The following SHCBP1 variants were observed in gnomAD, a reference collection of about 807,000 sequenced individuals.
The protein encoded by SHCBP1 is SHC SH2 domain-binding protein 1.
In SHCBP1, 60 loss-of-function variants were observed where a neutral mutation model predicts 75.1. The ratio of observed to expected loss-of-function variants is 0.80; its 90% CI spans 0.65 to 0.99. SHCBP1 has a LOEUF of 0.99. Among genes scored for constraint, SHCBP1 ranks in the 50% least tolerant of loss-of-function variants. The probability of loss-of-function intolerance (pLI) is 0.00; values close to 1 mark genes in which losing one functional copy is unlikely to be tolerated. For missense variants in SHCBP1, 709 were observed against 809.4 expected, an observed-to-expected ratio of 0.88 and a Z score of 1.50; for synonymous variants, 290 against 293.2, an observed-to-expected ratio of 0.99 and a Z score of 0.11.
intron 10 of SHCBP1, among the ~76,000 whole-genome samples, chr16:46,590,839 A>C (rs1325091130): frequency 4.6e-5 from 7 of 152,236 alleles, no homozygotes; most frequent in African/African-American, 1.7e-4. Flanking sequence ...AGGATTATGA[A>C]TCATGCTGCT....
At chr16:46,617,887 T>G (rs986010982) in intron 2 of SHCBP1, 138 bp from the exon 3 acceptor site, 1 of 752,984 alleles carries the variant, frequency 1.3e-6, no homozygotes, top group East Asian at 2.7e-5. Context: ...AGATAAAAGA[T>G]GCAAAAAACC....
intron 4 of SHCBP1, among the ~76,000 whole-genome samples, chr16:46,613,313 A>C (rs916614766): frequency 7.2e-5 from 11 of 152,244 alleles, no homozygotes; most frequent in Non-Finnish European, 1.3e-4. Flanking sequence ...AGGCAACAGA[A>C]TAATACCGTG....
At chr16:46,585,070 AT>A (rs1964935895) in intron 10 of SHCBP1, among the ~76,000 whole-genome samples, 1 of 152,208 alleles carries the variant, frequency 6.6e-6, no homozygotes, top group African/African-American at 2.4e-5. Context: ...GTTTGGGGTT[AT>A]GTGCAAAAAA....
Position 46,581,868 on chromosome 16 carries a change from T to C in SHCBP1, c.1880A>G (p.Gln627Arg), listed in dbSNP as rs1964876553. The change falls in exon 13 of 13, where the codon CAG (glutamine) becomes CGG (arginine). Residue 627 changes from glutamine (Q) to arginine (R), a missense_variant. Physicochemically the swap from Gln to Arg is conservative, Grantham distance 43. Coordinates refer to ENST00000303383, the MANE Select transcript of SHCBP1 (RefSeq NM_024745.5). ...ELIAASTQKG[Q>R]IKKKRLSELG... ...TTCACTCAACCTTTTCTTCTTTATC[T>C]GGCCTTTCTGTGTGGAGGCAGCAAT... 7 of 1,614,098 alleles carry C rather than the reference T, an allele frequency of 4.3e-6. No homozygotes were observed. The South Asian group carries it at 4.4e-5, about 10-fold the overall frequency.
At chr16:46,588,863 C>T (rs1359591772) in intron 10 of SHCBP1, among the ~76,000 whole-genome samples, 14 of 151,990 alleles carry the variant, frequency 9.2e-5, no homozygotes, top group Non-Finnish European at 1.8e-4. Context: ...GGCAGAGACA[C>T]AACAAAAAAA....
Position 46,581,947 on chromosome 16 carries a change from T to G in SHCBP1, c.1801A>C (p.Arg601=). ...CATGKMELCA[R]TDPSEQVEGN... ...TCGACTTGCTCAGAAGGGTCAGTTC[T>G]TGCACAAAGCTCCATTTTACCAGTT... The change falls in exon 13 of 13, where the codon AGA becomes CGA. Residue 601 remains arginine, a synonymous_variant. Transcript: ENST00000303383. 6.2e-7 allele frequency: 1 copy of G among 1,614,226 alleles called. No individual in the cohort carries two copies. Among genetic ancestry groups the G allele is most frequent in the Non-Finnish European group, 8.5e-7 (1 of 1,180,036 alleles).
rs1372390801 is a variant in SHCBP1, at chr16:46,581,817, T to C, written c.1931A>G (p.Asn644Ser). The C allele has an allele frequency of 4.3e-6, 7 of 1,614,096 alleles. No individual in the cohort carries two copies. Among genetic ancestry groups the C allele is most frequent in the African/African-American group, 1.3e-5 (1 of 74,928 alleles). Residue 644 changes from asparagine (N) to serine (S), a missense_variant, in exon 13 of 13, where the codon AAC becomes AGC. Physicochemically the swap from Asn to Ser is conservative, Grantham distance 46 (BLOSUM62 1). Transcript: ENST00000303383. ...SELGITQADDNLMSQEMFVGI... is the reference protein window; with the variant it reads ...SELGITQADDSLMSQEMFVGI... ...AACAAACATCTCCTGTGACATTAAG[T>C]TGTCATCAGCTTGCGTGATCCCCAG...
rs1344169223 is a variant in SHCBP1 at position 46,603,575 on chromosome 16, C to T, written c.1177G>A (p.Gly393Ser). The T allele has an allele frequency of 1.9e-6, 3 of 1,614,050 alleles. No individual in the cohort carries two copies. The highest frequency in any genetic ancestry group is 1.6e-4 in the Middle Eastern group (1 of 6,084). Reference protein sequence around the residue: ...IVCPGHYVVHGTFSIADSIEL... With the variant: ...IVCPGHYVVHSTFSIADSIEL... ...ATGGAGTCAGCAATGGAGAAAGTGC[C>T]ATGTACCACATAATGGCCAGGACAA... is the stretch of plus-strand genomic sequence containing the variant. The change falls in exon 8 of 13, where the codon GGC (glycine) becomes AGC (serine). Residue 393 changes from glycine (G) to serine (S), a missense_variant. Transcript: ENST00000303383.
At chr16:46,603,950 C>G in intron 7 of SHCBP1, 25 bp downstream of exon 7, 1 of 1,591,608 alleles carries the variant, frequency 6.3e-7, no homozygotes, top group Non-Finnish European at 8.5e-7. Flanking sequence ...AAAAAGCCAC[C>G]TGGAGTGAGA....
intron 10 of SHCBP1, among the ~76,000 whole-genome samples, chr16:46,591,631 C>A (rs749623023): frequency 5.3e-5 from 8 of 151,968 alleles, no homozygotes; most frequent in Non-Finnish European, 1.0e-4. Context: ...TACAAAAGAA[C>A]TCAACACCAC....
intron 12 of SHCBP1, 34 bp from the exon 13 acceptor site, chr16:46,582,088 T>A (rs1186262518): frequency 6.4e-7 from 1 of 1,561,114 alleles, no homozygotes; most frequent in South Asian, 1.2e-5. Context: ...CAAAGTTAAA[T>A]ATACAAGCTA....
In SHCBP1 at chr16:46,580,438, T is replaced by C. The variant is rs1354433109; in HGVS notation, c.*1291A>G. The C allele has an allele frequency of 6.6e-6, 1 of 152,150 alleles. No individual in the cohort carries two copies. The highest frequency in any genetic ancestry group is 1.5e-5 in the Non-Finnish European group (1 of 68,028). The allele number at this position is 152,150 out of a possible 1,614,324, so 9.4% of individuals were successfully genotyped here. A position where few individuals can be genotyped will look rare whatever the true frequency, so the allele number is the denominator to read the frequency against. ...CCACACTTAATGGGAAAAAATGTAA[T>C]ACTCTTTCTAAAGCATGAAAACAGA... On this transcript the variant is annotated 3_prime_UTR_variant, in exon 13 of 13. Transcript: ENST00000303383.
At chr16:46,620,562 A>C (rs1010793989) in intron 1 of SHCBP1, 3 of 152,264 alleles carry the variant, frequency 2.0e-5, no homozygotes, top group African/African-American at 7.2e-5. Context: ...ACTGAAGCCA[A>C]GTGACTTTTG....
intron 10 of SHCBP1, chr16:46,584,338 G>A (rs1964922284): frequency 3.6e-6 from 1 of 277,060 alleles, no homozygotes; most frequent in South Asian, 1.5e-4. Context: ...CACGCTAAGA[G>A]TGCCAACACT....
chr16:46,593,326 G>A (rs911653708), intron 10 of SHCBP1, among the ~76,000 whole-genome samples: 3 of 152,082 alleles, frequency 2.0e-5, no homozygotes, highest in African/African-American at 7.2e-5. Flanking sequence ...TGAATGTATG[G>A]ACACTGAAAT....
intron 5 of SHCBP1, among the ~76,000 whole-genome samples, chr16:46,605,689 T>C (rs1408768575): frequency 6.6e-6 from 1 of 152,116 alleles, no homozygotes; most frequent in Non-Finnish European, 1.5e-5. Context: ...TTAAGTTCCC[T>C]GGGGATGCTA....
intron 4 of SHCBP1, among the ~76,000 whole-genome samples, chr16:46,613,477 C>G (rs1008645559): frequency 6.6e-6 from 1 of 152,220 alleles, no homozygotes; most frequent in Non-Finnish European, 1.5e-5. Flanking sequence ...TCTCTAATCT[C>G]ATTTCCTAGG....
At chr16:46,599,250 CCTCA>C (rs1252155152) in intron 9 of SHCBP1, among the ~76,000 whole-genome samples, 1 of 152,180 alleles carries the variant, frequency 6.6e-6, no homozygotes, top group African/African-American at 2.4e-5. Context: ...GACATGCCTT[CCTCA>C]CTATGTTAAA....
Position 46,604,129 on chromosome 16 carries a change from T to C in SHCBP1, c.938A>G (p.Tyr313Cys), listed in dbSNP as rs752918531. 1.2e-6 allele frequency: 2 copies of C among 1,614,090 alleles called. No individual in the cohort carries two copies. Among genetic ancestry groups the C allele is most frequent in the South Asian group, 1.1e-5 (1 of 91,052 alleles). ...TGCTTGGATGTTAGAATTCTTCTGATAACCAAACACATACCTTAAAGAAAC... is the reference window on the plus strand; with the variant it reads ...TGCTTGGATGTTAGAATTCTTCTGACAACCAAACACATACCTTAAAGAAAC... ...ENPLLRYVFG[Y>C]QKNSNIQAKG... Residue 313 changes from tyrosine to cysteine, a missense_variant, in exon 7 of 13, where the codon TAT (tyrosine) becomes TGT (cysteine). Transcript: ENST00000303383.
Sources: gnomAD v4.1 joint callset for allele counts (sites outside exome capture counted in the v4.1 genomes callset) on GRCh38, gnomAD v4.1.1 for gene constraint, MANE v1.5 for transcripts, NCBI Gene and HGNC (gene_info 2026-07-23, HGNC 2026-07-21) for gene names.